Variants in KIDINS220 observed in about 807,000 individuals in gnomAD.
KIDINS220 encodes kinase D-interacting substrate of 220 kDa.
In KIDINS220, 63 loss-of-function variants were observed where a neutral mutation model predicts 157.6. The observed-to-expected ratio is 0.40, with a 90% CI of 0.33 to 0.49. KIDINS220 has a LOEUF of 0.49. Ranked by LOEUF, KIDINS220 falls within the 20% of genes least tolerant of loss-of-function variation. The pLI, the probability that KIDINS220 is intolerant of heterozygous loss-of-function variation, is 0.66. For synonymous variants in KIDINS220, 732 were observed against 783.6 expected (o/e 0.93, Z 1.10); for missense variants, 1,772 against 2,171.2 (o/e 0.82, Z 3.65).
chr2:8,781,439 T>C (rs959510893), intron 17 of KIDINS220, among the ~76,000 whole-genome samples: 2 of 150,802 alleles, frequency 1.3e-5, no homozygotes, highest in African/African-American at 4.9e-5. Flanking sequence ...ACTTATTTCA[T>C]CCAAAAAAAG....
intron 2 of KIDINS220, among the ~76,000 whole-genome samples, chr2:8,824,874 A>G (rs1367004900): frequency 6.6e-6 from 1 of 152,226 alleles, no homozygotes; most frequent in African/African-American, 2.4e-5. Context: ...TACGTGCTAT[A>G]ACGTGGATGA....
At chr2:8,735,453 A>G (rs1464188799) in intron 27 of KIDINS220, among the ~76,000 whole-genome samples, 1 of 152,022 alleles carries the variant, frequency 6.6e-6, no homozygotes. Context: ...GATCGCTTGC[A>G]CCCAGGAGGC....
At position 8,731,719 on chromosome 2, in the gene KIDINS220, A is replaced by G. The variant is rs772542835; in HGVS notation, c.4317T>C (p.Ser1439=). 4.2e-5 allele frequency: 67 copies of G among 1,614,026 alleles called. 1 individual carries two copies. The Admixed American group carries it at 1.1e-3, about 27-fold the overall frequency. ...SNLEQEKGKD[S]EPKPDDGRKS... ...TCCTCCCATCATCGGGCTTTGGTTCACTATCCTTCCCCTTTTCTTGCTCTA... is the reference window on the plus strand; with the variant it reads ...TCCTCCCATCATCGGGCTTTGGTTCGCTATCCTTCCCCTTTTCTTGCTCTA... The change falls in exon 30 of 30, where the codon AGT becomes AGC. Residue 1439 remains serine (S), a synonymous_variant. Coordinates refer to ENST00000256707, the MANE Select transcript of KIDINS220 (RefSeq NM_020738.4). This position sits in a 1 kb window ranked among gnomAD's most constrained non-coding sequence, Gnocchi z 5.2.
rs1672776412 is a variant in KIDINS220, at chr2:8,788,754, G to A, written c.1680C>T (p.Leu560=). The A allele has an allele frequency of 6.2e-7, 1 of 1,614,044 alleles. No individual in the cohort carries two copies. Among genetic ancestry groups the A allele is most frequent in the Non-Finnish European group, 8.5e-7 (1 of 1,179,954 alleles). ...EGESWNWAWV[L]STRLARHIGY... ...CAATATGTCTTGCCAATCTAGTGCTGAGGACCCAGGCCCAATTCCAACTCT... is the reference window on the plus strand; with the variant it reads ...CAATATGTCTTGCCAATCTAGTGCTAAGGACCCAGGCCCAATTCCAACTCT... Residue 560 remains leucine, a synonymous_variant, in exon 15 of 30, where the codon CTC becomes CTT. Transcript: ENST00000256707.
At position 8,731,689 on chromosome 2, in the gene KIDINS220, G is replaced by A. The variant is rs1195461425; in HGVS notation, c.4347C>T (p.Ser1449=). 3 of 1,614,078 alleles carry A rather than the reference G, an allele frequency of 1.9e-6. No homozygotes were observed. The highest frequency in any genetic ancestry group is 1.6e-4 in the Middle Eastern group (1 of 6,084). ...TAACATCTCCCCTCTTCATTAGAAA[G>A]GACTTCCTCCCATCATCGGGCTTTG... ...SEPKPDDGRK[S]FLMKRGDVID... Residue 1449 remains serine (S), a synonymous_variant, in exon 30 of 30, where the codon TCC becomes TCT. Transcript: ENST00000256707. This position sits in a 1 kb window ranked among gnomAD's most constrained non-coding sequence, Gnocchi z 5.2.
At chr2:8,832,738 C>T (rs1679831796) in intron 1 of KIDINS220, among the ~76,000 whole-genome samples, 1 of 152,210 alleles carries the variant, frequency 6.6e-6, no homozygotes, top group Non-Finnish European at 1.5e-5. Flanking sequence ...TCATCTTTCA[C>T]ATTTCAGTTC....
At chr2:8,834,478 C>T (rs1414141019) in intron 1 of KIDINS220, among the ~76,000 whole-genome samples, 1 of 151,674 alleles carries the variant, frequency 6.6e-6, no homozygotes, top group Non-Finnish European at 1.5e-5. Flanking sequence ...CTCTCCCCCT[C>T]TACTATATCC....
rs1191147407 is a variant in KIDINS220 at position 8,747,651 on chromosome 2, A to C, written c.3528+236T>G. On this transcript the variant is annotated intron_variant, in intron 25 of 29. Transcript: ENST00000256707. ...AGCAAACACTATATTACAAGCCAGAAATTTCTGGCTATAAACAAGTCAACA... is the reference window on the plus strand; with the variant it reads ...AGCAAACACTATATTACAAGCCAGACATTTCTGGCTATAAACAAGTCAACA... The C allele has an allele frequency of 1.4e-5, 5 of 367,452 alleles. No individual in the cohort carries two copies. In the East Asian group the frequency reaches 1.4e-4, roughly 11 times the overall value. 22.8% of individuals were successfully genotyped at this position (367,452 alleles called of 1,614,324 possible).
intron 15 of KIDINS220, 99 bp downstream of exon 15, chr2:8,788,548 C>G: frequency 8.5e-7 from 1 of 1,171,136 alleles, no homozygotes; most frequent in East Asian, 2.4e-5. Context: ...GGATTACAAG[C>G]GTGAGCCACC....
At chr2:8,835,659 CAAAA>C (rs56986834) in intron 1 of KIDINS220, among the ~76,000 whole-genome samples, 2 of 87,258 alleles carry the variant, frequency 2.3e-5, no homozygotes, top group African/African-American at 4.4e-5. Flanking sequence ...GACCCTGTCT[CAAAA>C]AAAAAAAAAA....
intron 6 of KIDINS220, among the ~76,000 whole-genome samples, chr2:8,809,021 GTTTGT>G (rs889008909): frequency 0.016 from 157 of 10,002 alleles, no homozygotes; most frequent in East Asian, 0.082. Context: ...TTGTTTGTTT[GTTTGT>G]TTTTTTCTTT....
At chr2:8,821,842 T>A (rs1371694759) in intron 2 of KIDINS220, among the ~76,000 whole-genome samples, 1 of 152,212 alleles carries the variant, frequency 6.6e-6, no homozygotes, top group East Asian at 1.9e-4. Flanking sequence ...TTCTCCTAGT[T>A]CTTGCTTAAC....
chr2:8,750,220 G>A lies in KIDINS220; in HGVS notation c.3306C>T (p.Cys1102=). Residue 1102 remains cysteine, a synonymous_variant, in exon 24 of 30, where the codon TGC becomes TGT. Coordinates refer to ENST00000256707, the MANE Select transcript of KIDINS220 (RefSeq NM_020738.4). ...AGGGCCCATTGAAGGACGTGGAAGA[G>A]CACACGGATGGGGGCTGGCTGTACC... ...PSGYSQPPSV[C]SSTSFNGPFA... 6.2e-7 allele frequency: 1 copy of A among 1,614,206 alleles called. No individual in the cohort carries two copies. Among genetic ancestry groups the A allele is most frequent in the Non-Finnish European group, 8.5e-7 (1 of 1,180,036 alleles).
chr2:8,724,859 T>C (rs1287035024), downstream of KIDINS220: 1 of 152,286 alleles, frequency 6.6e-6, no homozygotes, highest in African/African-American at 2.4e-5. This position sits in a 1 kb window ranked among gnomAD's most constrained non-coding sequence, Gnocchi z 4.6. Flanking sequence ...CTTGAACTTC[T>C]GGGCTCAAGC....
At chr2:8,771,148 C>T (rs1455689556) in intron 21 of KIDINS220, among the ~76,000 whole-genome samples, 1 of 152,140 alleles carries the variant, frequency 6.6e-6, no homozygotes, top group Non-Finnish European at 1.5e-5. Context: ...TCAACGCCAC[C>T]CACGATCATT....
chr2:8,802,986 T>A lies in KIDINS220; in HGVS notation c.745A>T (p.Thr249Ser). 1 of 1,613,972 alleles carries A rather than the reference T, an allele frequency of 6.2e-7. No homozygotes were observed. Among genetic ancestry groups the A allele is most frequent in the Non-Finnish European group, 8.5e-7 (1 of 1,179,982 alleles). The change falls in exon 8 of 30, where the codon ACG (threonine) becomes TCG (serine). Residue 249 changes from threonine (T) to serine (S), a missense_variant. Around this residue, in one of 3 missense-constraint regions of KIDINS220, gnomAD observed 725 missense variants for 1,017.1 expected, o/e 0.71. Coordinates refer to ENST00000256707, the MANE Select transcript of KIDINS220 (RefSeq NM_020738.4). ...ALMIASKEGHTEIVQDLLDAG... is the reference protein window; with the variant it reads ...ALMIASKEGHSEIVQDLLDAG... ...TCGAGCAGATCCTGCACAATCTCCG[T>A]ATGTCCCTCCTTTGATGCAATCATC...
intron 1 of KIDINS220, among the ~76,000 whole-genome samples, chr2:8,833,039 G>A (rs1171613418): frequency 6.6e-6 from 1 of 151,880 alleles, no homozygotes; most frequent in Non-Finnish European, 1.5e-5. Flanking sequence ...TCTTGGTGCT[G>A]GGAACATCTC....
chr2:8,815,776 G>A (rs1326947793), intron 4 of KIDINS220, among the ~76,000 whole-genome samples: 2 of 152,198 alleles, frequency 1.3e-5, no homozygotes, highest in East Asian at 3.8e-4. Context: ...AAAAGACTGA[G>A]ACCAATTAAC....
chr2:8,742,949 A>T (rs1665828742), intron 26 of KIDINS220, among the ~76,000 whole-genome samples: 2 of 151,516 alleles, frequency 1.3e-5, no homozygotes, highest in Admixed American at 6.6e-5. Context: ...CACCAGGAGC[A>T]GCATACCTTA....
Sources: allele counts gnomAD v4.1 joint callset (sites outside exome capture counted in the v4.1 genomes callset), GRCh38; gene constraint gnomAD v4.1.1; regional missense constraint gnomAD v4.1.1; non-coding constraint Gnocchi (gnomAD v3.1); transcripts MANE v1.5; gene names NCBI Gene and HGNC (gene_info 2026-07-23, HGNC 2026-07-21).